RUFY4: variants seen among roughly 807,000 people sequenced by gnomAD.
RUFY4 encodes the protein RUN and FYVE domain containing 4.
In RUFY4, 73 loss-of-function variants were observed where a neutral mutation model predicts 69.0. That is an observed-to-expected ratio of 1.06 (90% CI 0.88 to 1.29). The LOEUF is 1.29. Among genes scored for constraint, RUFY4 ranks in the 50% most tolerant of loss-of-function variants. The probability of loss-of-function intolerance (pLI) is 0.00; values close to 1 mark genes in which losing one functional copy is unlikely to be tolerated. For synonymous variants in RUFY4, 287 were observed against 271.8 expected (o/e 1.06, Z -0.55); for missense variants, 770 against 705.6 (o/e 1.09, Z -1.03).
Position 218,083,091 on chromosome 2 carries a change from G to A in RUFY4, c.1356-19G>A, listed in dbSNP as rs1352296456. 18 of 1,609,766 alleles carry A rather than the reference G, an allele frequency of 1.1e-5. No individual in the cohort carries two copies. The highest frequency in any genetic ancestry group is 1.4e-5 in the Non-Finnish European group (16 of 1,178,962). Reference sequence around the variant, plus strand: ...CTGAGCTTTGCCCCCTGAGAACCTAGTCTTCCTTCTGTACCCAGGTGTCAG... The same window carrying A: ...CTGAGCTTTGCCCCCTGAGAACCTAATCTTCCTTCTGTACCCAGGTGTCAG... On this transcript the variant is annotated intron_variant, in intron 8 of 10. Coordinates refer to ENST00000344321, the Ensembl canonical transcript of RUFY4.
In RUFY4 at chr2:218,073,797, C is replaced by A. The variant is rs762324656; in HGVS notation, c.531-19C>A. 6.2e-7 allele frequency: 1 copy of A among 1,613,714 alleles called. No individual in the cohort carries two copies. Among genetic ancestry groups the A allele is most frequent in the Non-Finnish European group, 8.5e-7 (1 of 1,179,754 alleles). On this transcript the variant is annotated intron_variant, in intron 5 of 10. Coordinates refer to ENST00000344321, the Ensembl canonical transcript of RUFY4. ...CACTGAAGAGAGGCCCAGGGTCCCC[C>A]TGCCTCTTTCACTTTCAGGTCACGC...
At chr2:218,063,388 G>A (rs1459553880) in intron 3 of RUFY4, among the ~76,000 whole-genome samples, 1 of 152,202 alleles carries the variant, frequency 6.6e-6, no homozygotes, top group African/African-American at 2.4e-5. Flanking sequence ...ATGTGGGTGA[G>A]GAAGTGGAAA....
rs375403766 is a variant in RUFY4, at chr2:218,037,934, G to GA, written c.-1158+2547dup. ...TCTGTAATCTATAGATAGTTTAAAA[G>GA]AAAAAAACAGTTTCCTAAACTATGG... is the stretch of plus-strand genomic sequence containing the variant. On this transcript the variant is annotated intron_variant and NMD_transcript_variant, in intron 2 of 13. Coordinates refer to the RUFY4 transcript ENST00000457754. 5.1e-3 allele frequency among the ~76,000 whole-genome samples: 777 copies of GA among 151,884 alleles called. 4 individuals carry two copies. Among genetic ancestry groups the GA allele is most frequent in the African/African-American group, 0.016 (664 of 41,354 alleles).
chr2:218,055,194 A>C (rs1834850), intron 2 of RUFY4, among the ~76,000 whole-genome samples: 34,842 of 152,086 alleles, frequency 0.23, 5,140 homozygotes, highest in East Asian at 0.4. Flanking sequence ...CAGGAGTTCG[A>C]GATCAGCCTG....
At position 218,073,811 on chromosome 2, in the gene RUFY4, T is replaced by C; in HGVS notation, c.531-5T>C. 6.2e-7 allele frequency: 1 copy of C among 1,613,854 alleles called. No individual in the cohort carries two copies. Among genetic ancestry groups the C allele is most frequent in the Non-Finnish European group, 8.5e-7 (1 of 1,179,838 alleles). ...CCAGGGTCCCCCTGCCTCTTTCACT[T>C]TCAGGTCACGCTGCTCCAGTTCCAC... On this transcript the variant is annotated splice_region_variant and splice_polypyrimidine_tract_variant and intron_variant, in intron 5 of 10. Transcript: ENST00000344321.
intron 2 of RUFY4, among the ~76,000 whole-genome samples, chr2:218,058,313 A>G (rs569202978): frequency 3.3e-5 from 5 of 152,320 alleles, no homozygotes; most frequent in African/African-American, 9.6e-5. Flanking sequence ...CATACATACT[A>G]CAAGTTAAGA....
At chr2:218,036,884 C>A (rs988288197) in intron 2 of RUFY4, among the ~76,000 whole-genome samples, 2 of 152,348 alleles carry the variant, frequency 1.3e-5, no homozygotes, top group African/African-American at 4.8e-5. Flanking sequence ...AAGGTTTTCC[C>A]TTGAAATGTA....
At chr2:218,043,965 G>A (rs889039897) in intron 2 of RUFY4, among the ~76,000 whole-genome samples, 3 of 152,240 alleles carry the variant, frequency 2.0e-5, no homozygotes, top group Admixed American at 1.3e-4. Flanking sequence ...TCCCAGTACT[G>A]CTCTGAGTGT....
intron 2 of RUFY4, among the ~76,000 whole-genome samples, chr2:218,053,390 G>A (rs1035484201): frequency 4.7e-5 from 7 of 149,114 alleles, no homozygotes; most frequent in African/African-American, 1.7e-4. Context: ...TTGTCACTCA[G>A]GCTGGAGTTC....
intron 2 of RUFY4, among the ~76,000 whole-genome samples, chr2:218,042,136 G>A (rs1463911504): frequency 1.3e-5 from 2 of 152,200 alleles, no homozygotes; most frequent in Non-Finnish European, 2.9e-5. Context: ...ACCACCACAT[G>A]AGAGACTACA....
intron 9 of RUFY4, among the ~76,000 whole-genome samples, chr2:218,085,834 G>T (rs1186813410): frequency 6.6e-6 from 1 of 152,162 alleles, no homozygotes; most frequent in Non-Finnish European, 1.5e-5. Context: ...GTAGCTCCCT[G>T]CCCAGTCCCC....
chr2:218,086,799 A>G (rs1055883107), intron 9 of RUFY4, among the ~76,000 whole-genome samples: 1 of 152,222 alleles, frequency 6.6e-6, no homozygotes, highest in African/African-American at 2.4e-5. Flanking sequence ...GTGGGCAGCA[A>G]TCCCAGGGAG....
At chr2:218,088,199 A>G (rs1407343236) in intron 9 of RUFY4, among the ~76,000 whole-genome samples, 1 of 152,114 alleles carries the variant, frequency 6.6e-6, no homozygotes, top group African/African-American at 2.4e-5. Context: ...ATATCCTTAC[A>G]AGAGGGAGTG....
intron 9 of RUFY4, among the ~76,000 whole-genome samples, chr2:218,083,805 C>A (rs1413889604): frequency 1.3e-5 from 2 of 151,746 alleles, no homozygotes; most frequent in Non-Finnish European, 2.9e-5. Flanking sequence ...TGTATAGAGT[C>A]CCCTGAAAAT....
chr2:218,047,863 A>G (rs1688865396), intron 2 of RUFY4, among the ~76,000 whole-genome samples: 1 of 152,196 alleles, frequency 6.6e-6, no homozygotes, highest in South Asian at 2.1e-4. Flanking sequence ...TACTTAATTT[A>G]TATGTATATT....
chr2:218,070,896 C>T (rs2106047740), intron 2 of RUFY4, 37 bp downstream of exon 4: 1 of 1,463,408 alleles, frequency 6.8e-7, no homozygotes. Context: ...TCCCTCTCCC[C>T]AGACCCAGAT....
chr2:218,075,018 T>A, intron 6 of RUFY4, 75 bp from the exon 9 acceptor site: 2 of 1,396,590 alleles, frequency 1.4e-6, no homozygotes, highest in Non-Finnish European at 1.9e-6. Context: ...AGATTAGCAC[T>A]GTGGCCTAAT....
chr2:218,068,102 G>A (rs1284314771), upstream of RUFY4, among the ~76,000 whole-genome samples: 2 of 151,828 alleles, frequency 1.3e-5, no homozygotes, highest in Non-Finnish European at 2.9e-5. Flanking sequence ...CAGGGGGCTG[G>A]AGGACAGCAG....
chr2:218,066,128 AGATGAT>A (rs79735977), upstream of RUFY4, among the ~76,000 whole-genome samples: 3 of 147,256 alleles, frequency 2.0e-5, no homozygotes, highest in South Asian at 2.2e-4. Context: ...ATGGTTGCTG[AGATGAT>A]GATGATGATG....
Sources: allele counts gnomAD v4.1 joint callset (sites outside exome capture counted in the v4.1 genomes callset), GRCh38; gene constraint gnomAD v4.1.1; transcripts MANE v1.5; gene names NCBI Gene and HGNC (gene_info 2026-07-23, HGNC 2026-07-21).